STK38L: variants seen among roughly 807,000 people sequenced by gnomAD.
STK38L encodes the protein serine/threonine kinase 38 like, also known as serine/threonine-protein kinase 38-like.
Under a neutral mutation model 59.7 loss-of-function variants are expected in STK38L, and 28 were observed. That is an observed-to-expected ratio of 0.47 (90% CI 0.35 to 0.64). The LOEUF (loss-of-function observed/expected upper bound fraction) is 0.64, where lower values mean the gene tolerates loss of function less well. Among genes scored for constraint, STK38L ranks in the 30% least tolerant of loss-of-function variants. The pLI, the probability that STK38L is intolerant of heterozygous loss-of-function variation, is 0.01. For synonymous variants in STK38L, 162 were observed against 176.8 expected (o/e 0.92, Z 0.66); for missense variants, 314 against 555.8 (o/e 0.56, Z 4.37).
intron 9 of STK38L, among the ~76,000 whole-genome samples, chr12:27,316,850 T>TTAGAATAAATAGAATAAAAC (rs1944596869): frequency 6.6e-6 from 1 of 152,186 alleles, no homozygotes; most frequent in Admixed American, 6.5e-5. Flanking sequence ...AGGGCAGGTA[T>TTAGAATAAATAGAATAAAAC]TATTATTCTA....
At chr12:27,270,295 C>T (rs1192123679) in intron 1 of STK38L, among the ~76,000 whole-genome samples, 1 of 152,096 alleles carries the variant, frequency 6.6e-6, no homozygotes, top group Non-Finnish European at 1.5e-5. Flanking sequence ...GTAACCTGTA[C>T]CTCCCAGGCC....
chr12:27,290,846 C>G (rs1410907216), intron 1 of STK38L, among the ~76,000 whole-genome samples: 1 of 152,136 alleles, frequency 6.6e-6, no homozygotes, highest in Admixed American at 6.6e-5. Context: ...AAACCAGAAA[C>G]CTGGATTTTC....
At chr12:27,280,982 A>G (rs1943641610) in intron 1 of STK38L, among the ~76,000 whole-genome samples, 1 of 152,200 alleles carries the variant, frequency 6.6e-6, no homozygotes, top group Non-Finnish European at 1.5e-5. Context: ...TACTAAGAAT[A>G]AATAAGGTGA....
chr12:27,290,398 T>C (rs1307154116), intron 1 of STK38L, among the ~76,000 whole-genome samples: 1 of 152,194 alleles, frequency 6.6e-6, no homozygotes, highest in African/African-American at 2.4e-5. Flanking sequence ...GCATTTATGA[T>C]CTCCATTTTA....
intron 9 of STK38L, 30 bp downstream of exon 9, chr12:27,315,380 A>G (rs2346053): frequency 0.25 from 402,372 of 1,587,582 alleles, 55,370 homozygotes; most frequent in African/African-American, 0.53. Context: ...AGAGAATTTT[A>G]TGCCTTGGTT....
intron 1 of STK38L, among the ~76,000 whole-genome samples, chr12:27,249,811 A>G (rs1942934044): frequency 6.6e-6 from 1 of 152,192 alleles, no homozygotes; most frequent in South Asian, 2.1e-4. Flanking sequence ...TACATGTTAT[A>G]ATAGATAAAT....
chr12:27,297,106 T>C (rs563660589), intron 1 of STK38L: 2 of 152,598 alleles, frequency 1.3e-5, no homozygotes, highest in East Asian at 1.9e-4. Context: ...TAGCACGTTT[T>C]GGAATGACCC....
chr12:27,261,489 A>G (rs1206760508), intron 1 of STK38L, among the ~76,000 whole-genome samples: 2 of 152,144 alleles, frequency 1.3e-5, no homozygotes, highest in East Asian at 3.8e-4. Context: ...TGTTGCTAAC[A>G]CCTTTCCCAT....
At chr12:27,290,753 G>T (rs1943878685) in intron 1 of STK38L, among the ~76,000 whole-genome samples, 5 of 152,196 alleles carry the variant, frequency 3.3e-5, no homozygotes. Context: ...ATGTTGTATT[G>T]TAAGGGGCCG....
chr12:27,257,317 G>A (rs1049621523), intron 1 of STK38L, among the ~76,000 whole-genome samples: 4 of 152,184 alleles, frequency 2.6e-5, no homozygotes, highest in Admixed American at 6.5e-5. Context: ...GCTGTCCAGC[G>A]CTGCTCTGGG....
intron 1 of STK38L, among the ~76,000 whole-genome samples, chr12:27,294,801 C>T (rs1943976398): frequency 6.7e-6 from 1 of 149,884 alleles, no homozygotes; most frequent in African/African-American, 2.5e-5. Context: ...TAACCTTGAA[C>T]AAGGGTTCAA....
intron 2 of STK38L, among the ~76,000 whole-genome samples, chr12:27,299,113 A>G (rs1194430685): frequency 6.6e-6 from 1 of 152,228 alleles, no homozygotes; most frequent in Non-Finnish European, 1.5e-5. Flanking sequence ...TGTGGCTACT[A>G]GCAAAATATG....
chr12:27,254,435 C>A (rs568759280), intron 1 of STK38L, among the ~76,000 whole-genome samples: 2 of 152,156 alleles, frequency 1.3e-5, no homozygotes, highest in African/African-American at 4.8e-5. Context: ...CATTCAGAGA[C>A]CTGTATGTGC....
intron 3 of STK38L, among the ~76,000 whole-genome samples, chr12:27,307,167 G>T (rs1944337908): frequency 6.6e-6 from 1 of 152,066 alleles, no homozygotes; most frequent in Admixed American, 6.5e-5. Context: ...ATTAAAAAAA[G>T]ACATTAGGCA....
chr12:27,317,098 TGAAAG>T (rs1317870549), intron 9 of STK38L, among the ~76,000 whole-genome samples: 2 of 152,196 alleles, frequency 1.3e-5, no homozygotes, highest in Admixed American at 1.3e-4. Context: ...AACTAAGTGA[TGAAAG>T]GAAAACTAAT....
At chr12:27,317,750 G>A (rs376103021) in intron 10 of STK38L, 146 bp from the exon 11 acceptor site, 4 of 986,634 alleles carry the variant, frequency 4.1e-6, no homozygotes, top group Admixed American at 2.7e-5. Context: ...TATTAGCAAC[G>A]TGATTGTAAA....
At chr12:27,294,505 A>C (rs1406170158) in intron 1 of STK38L, among the ~76,000 whole-genome samples, 2 of 70,966 alleles carry the variant, frequency 2.8e-5, no homozygotes, top group Admixed American at 3.0e-4. Flanking sequence ...AAATTCTGTC[A>C]AAAAAAAAAA....
intron 1 of STK38L, among the ~76,000 whole-genome samples, chr12:27,245,009 G>C (rs1025286833): frequency 3.9e-5 from 6 of 152,278 alleles, no homozygotes; most frequent in African/African-American, 1.4e-4. Flanking sequence ...ATAACCGATT[G>C]AGTAGGGCAC....
intron 1 of STK38L, among the ~76,000 whole-genome samples, chr12:27,274,871 AG>A (rs1483351917): frequency 1.3e-5 from 2 of 152,196 alleles, no homozygotes; most frequent in Admixed American, 6.5e-5. Context: ...ACAGTATCTC[AG>A]TAATCTCCGC....
Sources: allele counts gnomAD v4.1 joint callset (sites outside exome capture counted in the v4.1 genomes callset), GRCh38; gene constraint gnomAD v4.1.1; transcripts MANE v1.5; gene names NCBI Gene and HGNC (gene_info 2026-07-23, HGNC 2026-07-21).